TRIP12: variants seen among roughly 807,000 people sequenced by gnomAD.
TRIP12 encodes the protein E3 ubiquitin-protein ligase TRIP12.
Under a neutral mutation model 244.2 loss-of-function variants are expected in TRIP12, and 25 were observed. That is an observed-to-expected ratio of 0.10 (90% confidence interval 0.07 to 0.14). The LOEUF (loss-of-function observed/expected upper bound fraction) is 0.14, where lower values mean the gene tolerates loss of function less well. Among genes scored for constraint, TRIP12 ranks in the 10% least tolerant of loss-of-function variants. TRIP12 has a pLI of 1.00. For synonymous variants in TRIP12, 905 were observed against 873.1 expected (o/e 1.04, Z -0.64); for missense variants, 1,677 against 2,486.4 (o/e 0.67, Z 6.92).
At chr2:229,866,783 A>G (rs912125322) in intron 2 of TRIP12, among the ~76,000 whole-genome samples, 2 of 152,204 alleles carry the variant, frequency 1.3e-5, no homozygotes, top group Non-Finnish European at 2.9e-5. Flanking sequence ...GATGTTTCCA[A>G]CGAATACTTT....
At chr2:229,826,380 A>G (rs2051596788) in intron 8 of TRIP12, among the ~76,000 whole-genome samples, 1 of 152,134 alleles carries the variant, frequency 6.6e-6, no homozygotes, top group South Asian at 2.1e-4. Flanking sequence ...AGATCCAACA[A>G]CCAGTTTGCA....
rs1341148791 is a variant in TRIP12, at chr2:229,778,359, A to G, written c.5364+74T>C. On this transcript the variant is annotated intron_variant, in intron 36 of 41. Transcript: ENST00000675903. This position sits in a 1 kb window ranked among gnomAD's most constrained non-coding sequence, Gnocchi z 4.1. ...GCATTGCTCTAAACTATAGCAGTAA[A>G]CTACAGGGGACTGAGGTACTTGCAC... 3 of 1,551,398 alleles carry G rather than the reference A, an allele frequency of 1.9e-6. No homozygotes were observed. Among genetic ancestry groups the G allele is most frequent in the Non-Finnish European group, 2.6e-6 (3 of 1,135,836 alleles).
At chr2:229,789,020 A>C in intron 31 of TRIP12, 80 bp from the exon 32 acceptor site, 1 of 1,321,056 alleles carries the variant, frequency 7.6e-7, no homozygotes, top group Non-Finnish European at 1.0e-6. Context: ...CATTATCCCC[A>C]AGTCCATGCA....
In TRIP12 at chr2:229,778,361, T is replaced by C. The variant is rs1298099998; in HGVS notation, c.5364+72A>G. 2 of 1,564,380 alleles carry C rather than the reference T, an allele frequency of 1.3e-6. No homozygotes were observed. Among genetic ancestry groups the C allele is most frequent in the Non-Finnish European group, 1.7e-6 (2 of 1,143,960 alleles). Reference sequence around the variant, plus strand: ...ATTGCTCTAAACTATAGCAGTAAACTACAGGGGACTGAGGTACTTGCACAG... The same window carrying C: ...ATTGCTCTAAACTATAGCAGTAAACCACAGGGGACTGAGGTACTTGCACAG... On this transcript the variant is annotated intron_variant, in intron 36 of 41. Coordinates refer to ENST00000675903, the MANE Select transcript of TRIP12 (RefSeq NM_001348323.3). This position sits in a 1 kb window ranked among gnomAD's most constrained non-coding sequence, Gnocchi z 4.1.
Position 229,798,905 on chromosome 2 carries a change from G to A in TRIP12, c.3452C>T (p.Ala1151Val). ...ATTGGAGATGGTATCCTTTGAGGCA[G>A]CCCTGGCAAGGCCACTACCTCCCGC... ...RTAGGSGLAR[A>V]ASKDTISNNR... Residue 1151 changes from alanine (A) to valine (V), a missense_variant, in exon 23 of 42, where the codon GCT becomes GTT. Transcript: ENST00000675903. 1 of 1,614,146 alleles carries A rather than the reference G, an allele frequency of 6.2e-7. No homozygotes were observed. Among genetic ancestry groups the A allele is most frequent in the Non-Finnish European group, 8.5e-7 (1 of 1,180,032 alleles).
chr2:229,857,452 A>G (rs1382207197), intron 4 of TRIP12, among the ~76,000 whole-genome samples: 1 of 152,122 alleles, frequency 6.6e-6, no homozygotes, highest in Non-Finnish European at 1.5e-5. Context: ...AACATGGTGA[A>G]ACTCCCTCTC....
At chr2:229,922,518 C>T (rs952250104), upstream of TRIP12, 12 of 1,613,760 alleles carry the variant, frequency 7.4e-6, no homozygotes, top group Admixed American at 1.7e-5. Flanking sequence ...CCCAAGATGG[C>T]GTCGTGGCTG....
chr2:229,840,475 G>C (rs755415490), intron 5 of TRIP12, among the ~76,000 whole-genome samples: 11 of 152,164 alleles, frequency 7.2e-5, no homozygotes, highest in Non-Finnish European at 1.6e-4. Flanking sequence ...GCTGAGGAGG[G>C]TGGATCACTT....
chr2:229,878,595 T>G (rs2064123440), intron 2 of TRIP12, among the ~76,000 whole-genome samples: 1 of 151,760 alleles, frequency 6.6e-6, no homozygotes, highest in African/African-American at 2.4e-5. Flanking sequence ...TTTTTTTTTT[T>G]GAGACGGAGT....
upstream of TRIP12, chr2:229,922,380 A>C: frequency 2.3e-5 from 18 of 792,738 alleles, no homozygotes; most frequent in Non-Finnish European, 2.9e-5. Context: ...GGAAGAGGGG[A>C]CGATCGCCCC....
At chr2:229,834,952 T>G (rs1011154509) in intron 6 of TRIP12, among the ~76,000 whole-genome samples, 1 of 152,172 alleles carries the variant, frequency 6.6e-6, no homozygotes, top group Non-Finnish European at 1.5e-5. Context: ...ACTATACAAG[T>G]ACTATCCGAA....
rs1406998759 is a variant in TRIP12 at position 229,771,549 on chromosome 2, G to C, written c.5778C>G (p.Leu1926=). The C allele has an allele frequency of 3.1e-6, 5 of 1,613,894 alleles. No homozygotes were observed. In the Admixed American group the frequency reaches 8.3e-5, roughly 27 times the overall value. The change falls in exon 39 of 42, where the codon CTC becomes CTG. Residue 1926 remains leucine (L), a synonymous_variant. Coordinates refer to ENST00000675903, the MANE Select transcript of TRIP12 (RefSeq NM_001348323.3). ...FRDGFESVFP[L]SHLQYFYPEE... Reference sequence around the variant, plus strand: ...CCGGGTAGAAGTACTGAAGATGACTGAGTGGGAAGACTGATTCAAATCCAT... The same window carrying C: ...CCGGGTAGAAGTACTGAAGATGACTCAGTGGGAAGACTGATTCAAATCCAT...
At chr2:229,885,055 A>G (rs2065731796) in intron 1 of TRIP12, among the ~76,000 whole-genome samples, 1 of 152,226 alleles carries the variant, frequency 6.6e-6, no homozygotes, top group Non-Finnish European at 1.5e-5. Context: ...CAGTGGTGCC[A>G]TAAGATTACA....
At chr2:229,892,411 A>G (rs1357352894) in intron 1 of TRIP12, among the ~76,000 whole-genome samples, 1 of 152,196 alleles carries the variant, frequency 6.6e-6, no homozygotes, top group Non-Finnish European at 1.5e-5. Context: ...AGTAAAAAGT[A>G]CCTATGTCTT....
At chr2:229,805,336 GGTTTT>G (rs775302315) in intron 18 of TRIP12, among the ~76,000 whole-genome samples, 14 of 152,010 alleles carry the variant, frequency 9.2e-5, no homozygotes, top group East Asian at 3.9e-4. Context: ...TCAGAAACCT[GGTTTT>G]GTTTTGTTTT....
At position 229,765,494 on chromosome 2, in the gene TRIP12, C is replaced by G. The variant is rs1389938532; in HGVS notation, c.*2060G>C. The G allele has an allele frequency of 3.9e-5, 6 of 152,144 alleles. No homozygotes were observed. The highest frequency in any genetic ancestry group is 4.1e-4 in the South Asian group (2 of 4,834). The allele number at this position is 152,144 out of a possible 1,614,324, so 9.4% of individuals were successfully genotyped here. On this transcript the variant is annotated 3_prime_UTR_variant, in exon 42 of 42. Transcript: ENST00000675903. ...AGGTAACGACTGACTTTGAAACACT[C>G]AAGACTTTAGAGTTTGAGTCAAAAT...
chr2:229,837,653 T>G (rs2055186789), intron 5 of TRIP12, among the ~76,000 whole-genome samples: 2 of 151,948 alleles, frequency 1.3e-5, no homozygotes, highest in Admixed American at 6.6e-5. Flanking sequence ...AACTGCAGAT[T>G]AACATTGAGA....
Position 229,830,742 on chromosome 2 carries a change from A to G in TRIP12, c.1354+14T>C, listed in dbSNP as rs142197901. The G allele has an allele frequency of 3.1e-6, 5 of 1,611,360 alleles. No homozygotes were observed. In the African/African-American group the frequency reaches 5.3e-5, roughly 17 times the overall value. ...ATGGTAATGGTTTCTTATAGGCTCA[A>G]TAACTGTTTTTACCTTGCAAACGTC... On this transcript the variant is annotated intron_variant, in intron 7 of 41. Coordinates refer to ENST00000675903, the MANE Select transcript of TRIP12 (RefSeq NM_001348323.3).
chr2:229,868,202 C>G (rs1415137573), intron 2 of TRIP12, among the ~76,000 whole-genome samples: 1 of 152,136 alleles, frequency 6.6e-6, no homozygotes, highest in Non-Finnish European at 1.5e-5. Context: ...TACTTACTTT[C>G]ATTCATTCAT....
Sources: allele counts gnomAD v4.1 joint callset (sites outside exome capture counted in the v4.1 genomes callset), GRCh38; gene constraint gnomAD v4.1.1; non-coding constraint Gnocchi (gnomAD v3.1); transcripts MANE v1.5; gene names NCBI Gene and HGNC (gene_info 2026-07-23, HGNC 2026-07-21).